The following CAPN9 variants were observed in gnomAD, a reference collection of about 807,000 sequenced individuals.
The protein encoded by CAPN9 is calpain 9.
In CAPN9, 81 loss-of-function variants were observed where a neutral mutation model predicts 92.8. That is an observed-to-expected ratio of 0.87 (90% CI 0.73 to 1.05). CAPN9 has a LOEUF of 1.05. Ranked by LOEUF, CAPN9 falls within the 50% of genes least tolerant of loss-of-function variation. The probability of loss-of-function intolerance (pLI) is 0.00; values close to 1 mark genes in which losing one functional copy is unlikely to be tolerated. For synonymous variants in CAPN9, 304 were observed against 328.0 expected (o/e 0.93, Z 0.79); for missense variants, 848 against 866.2 (o/e 0.98, Z 0.26).
intron 2 of CAPN9, among the ~76,000 whole-genome samples, chr1:230,755,672 C>T (rs555492314): frequency 7.2e-5 from 11 of 152,336 alleles, no homozygotes; most frequent in Non-Finnish European, 1.3e-4. Flanking sequence ...CAGCGTTGGT[C>T]GGGCTCTCCT....
chr1:230,793,563 C>A (rs1194098476), intron 17 of CAPN9, among the ~76,000 whole-genome samples: 1 of 152,234 alleles, frequency 6.6e-6, no homozygotes, highest in African/African-American at 2.4e-5. Context: ...GTAGTTTCCA[C>A]GAGCGCTCTG....
At chr1:230,748,066 G>A (rs1304029612) in intron 1 of CAPN9, among the ~76,000 whole-genome samples, 1 of 152,222 alleles carries the variant, frequency 6.6e-6, no homozygotes, top group Non-Finnish European at 1.5e-5. Context: ...TGGTAACACT[G>A]AGATCACGTT....
At chr1:230,789,997 C>T (rs1667870378) in intron 13 of CAPN9, 135 bp from the exon 14 acceptor site, 1 of 641,614 alleles carries the variant, frequency 1.6e-6, no homozygotes, top group Non-Finnish European at 2.7e-6. Context: ...GAGATAGGTA[C>T]ATCTGCCCAC....
intron 4 of CAPN9, among the ~76,000 whole-genome samples, chr1:230,765,324 G>T (rs562155978): frequency 6.6e-6 from 1 of 150,568 alleles, no homozygotes; most frequent in Non-Finnish European, 1.5e-5. Context: ...AAAGCTAGAA[G>T]AATTCAACCA....
At chr1:230,789,705 G>A (rs1216030988) in intron 13 of CAPN9, among the ~76,000 whole-genome samples, 1 of 152,154 alleles carries the variant, frequency 6.6e-6, no homozygotes, top group East Asian at 1.9e-4. Context: ...AGCCCCAGAT[G>A]CGGGACTATT....
At chr1:230,780,814 A>T in intron 11 of CAPN9, 106 bp downstream of exon 11, 1 of 818,932 alleles carries the variant, frequency 1.2e-6, no homozygotes, top group Non-Finnish European at 2.1e-6. Flanking sequence ...TCCCTTTCCC[A>T]TGTGTACCTG....
chr1:230,801,547 C>T (rs964130563), intron 19 of CAPN9, 23 bp from the exon 20 acceptor site: 3 of 1,612,742 alleles, frequency 1.9e-6, no homozygotes, highest in African/African-American at 1.3e-5. Context: ...AACGACCCCT[C>T]ATCTCTCTCT....
chr1:230,798,060 C>A, intron 18 of CAPN9, 102 bp from the exon 19 acceptor site: 1 of 807,176 alleles, frequency 1.2e-6, no homozygotes, highest in Non-Finnish European at 2.1e-6. Context: ...GATGGAGCAG[C>A]TTCCCCACAG....
intron 1 of CAPN9, among the ~76,000 whole-genome samples, chr1:230,751,591 A>AG (rs1436348007): frequency 1.3e-4 from 3 of 22,816 alleles, no homozygotes; most frequent in African/African-American, 4.5e-4. Context: ...GAAACAAAGA[A>AG]AGAAAGAAAG....
chr1:230,771,220 G>A (rs1666369346), intron 6 of CAPN9, among the ~76,000 whole-genome samples: 1 of 152,206 alleles, frequency 6.6e-6, no homozygotes, highest in Non-Finnish European at 1.5e-5. Context: ...AAGAGTTGAT[G>A]TTACTTGAAT....
intron 19 of CAPN9, among the ~76,000 whole-genome samples, chr1:230,800,217 AAAT>A (rs1338542528): frequency 2.2e-5 from 2 of 88,912 alleles, no homozygotes; most frequent in Non-Finnish European, 5.2e-5. Flanking sequence ...AAAGAAAGAA[AAAT>A]AAGAAAGAAA....
At chr1:230,795,765 A>T (rs1287766815) in intron 18 of CAPN9, among the ~76,000 whole-genome samples, 4 of 152,040 alleles carry the variant, frequency 2.6e-5, no homozygotes. Context: ...CCTGCCCCTC[A>T]AAGGTGGTTT....
At chr1:230,761,145 G>A (rs1665607474) in intron 3 of CAPN9, among the ~76,000 whole-genome samples, 1 of 152,050 alleles carries the variant, frequency 6.6e-6, no homozygotes, top group South Asian at 2.1e-4. Flanking sequence ...GTGGGGGTGG[G>A]GAGTGACCCT....
chr1:230,790,288 T>C lies in CAPN9; in HGVS notation c.1657+99T>C. 2 of 1,476,168 alleles carry C rather than the reference T, an allele frequency of 1.4e-6. 1 individual carries two copies. The allele number at this position is 1,476,168 out of a possible 1,614,324, so 91.4% of individuals were successfully genotyped here. ...CTGCTCCTCCGAGCCGCAGATCTGC[T>C]TCCCAGGGCTGATTTGTAGGTAGAC... On this transcript the variant is annotated intron_variant, in intron 14 of 19. Coordinates refer to ENST00000271971, the MANE Select transcript of CAPN9 (RefSeq NM_006615.3).
intron 5 of CAPN9, 103 bp downstream of exon 5, chr1:230,767,812 G>A: frequency 9.0e-7 from 1 of 1,111,504 alleles, no homozygotes; most frequent in Non-Finnish European, 1.3e-6. Flanking sequence ...CCACACCCAA[G>A]GAGGGGCATA....
intron 12 of CAPN9, among the ~76,000 whole-genome samples, 178 bp from the exon 13 acceptor site, chr1:230,787,344 C>T (rs1379559860): frequency 6.6e-6 from 1 of 152,108 alleles, no homozygotes. Flanking sequence ...CTAGTCTCAC[C>T]TTCTAAAAGA....
chr1:230,798,113 TA>T, intron 18 of CAPN9, 48 bp from the exon 19 acceptor site: 1 of 1,397,282 alleles, frequency 7.2e-7, no homozygotes, highest in Non-Finnish European at 1.0e-6. Flanking sequence ...ACAAACTTGG[TA>T]AAGGAATTGT....
chr1:230,793,957 T>G (rs1483826967), intron 17 of CAPN9, among the ~76,000 whole-genome samples: 1 of 151,988 alleles, frequency 6.6e-6, no homozygotes, highest in Non-Finnish European at 1.5e-5. Context: ...CTCATCCCCC[T>G]CCTCTAGCCC....
chr1:230,771,300 G>T (rs889677173), intron 6 of CAPN9, among the ~76,000 whole-genome samples: 5 of 152,194 alleles, frequency 3.3e-5, no homozygotes, highest in Non-Finnish European at 7.3e-5. Context: ...TACAGTTTCT[G>T]GTTAGTTGAT....
Sources: gnomAD v4.1 joint callset for allele counts (sites outside exome capture counted in the v4.1 genomes callset) on GRCh38, gnomAD v4.1.1 for gene constraint, MANE v1.5 for transcripts, NCBI Gene and HGNC (gene_info 2026-07-23, HGNC 2026-07-21) for gene names.